Variants in TMEM231 observed in about 807,000 individuals in gnomAD.
TMEM231 encodes transmembrane protein 231.
A neutral mutation model predicts 38.5 loss-of-function variants in TMEM231; 40 were observed. That is an observed-to-expected ratio of 1.04 (90% CI 0.81 to 1.35). TMEM231 has a LOEUF of 1.35. Ranked by LOEUF, TMEM231 falls within the 40% of genes most tolerant of loss-of-function variation. The pLI is 0.00. For missense variants in TMEM231, 420 were observed against 416.9 expected, an observed-to-expected ratio of 1.01 and a Z score of -0.07; for synonymous variants, 199 against 181.7, an observed-to-expected ratio of 1.10 and a Z score of -0.77.
At chr16:75,550,341 G>A (rs2080744166) in intron 2 of TMEM231, among the ~76,000 whole-genome samples, 1 of 152,204 alleles carries the variant, frequency 6.6e-6, no homozygotes, top group Admixed American at 6.5e-5. Flanking sequence ...CCTGTTTGTG[G>A]CATCCACAGT....
In TMEM231 at chr16:75,555,515, C is replaced by A. The variant is rs80299509; in HGVS notation, c.309+289G>T. ...CATCAGGCCAGGCCCGCGGGTGTGACCCGGGCAGACACAGGCTGCCCCCAC... is the reference window on the plus strand; with the variant it reads ...CATCAGGCCAGGCCCGCGGGTGTGAACCGGGCAGACACAGGCTGCCCCCAC... On this transcript the variant is annotated intron_variant, in intron 2 of 6. Transcript: ENST00000258173. 23,221 of 390,536 alleles carry A rather than the reference C, an allele frequency of 0.059. 894 individuals carry two copies. Among genetic ancestry groups the A allele is most frequent in the Non-Finnish European group, 0.068 (14,962 of 220,558 alleles). The allele number at this position is 390,536 out of a possible 1,614,324, so 24.2% of individuals were successfully genotyped here.
chr16:75,543,400 C>G (rs1187988234), intron 4 of TMEM231, among the ~76,000 whole-genome samples: 3 of 152,064 alleles, frequency 2.0e-5, no homozygotes, highest in Non-Finnish European at 1.5e-5. Flanking sequence ...AACCCCATCT[C>G]TACTACAAAG....
chr16:75,547,650 G>A (rs4485400), intron 2 of TMEM231, among the ~76,000 whole-genome samples: 25,427 of 152,058 alleles, frequency 0.17, 2,250 homozygotes, highest in Middle Eastern at 0.22. Context: ...GTGGTGGCAC[G>A]TGCCTGTAAT....
In TMEM231 at chr16:75,555,888, G is replaced by C. The variant is rs1444231443; in HGVS notation, c.225C>G (p.Pro75=). The C allele has an allele frequency of 3.1e-6, 5 of 1,595,466 alleles. No individual in the cohort carries two copies. The highest frequency in any genetic ancestry group is 2.6e-6 in the Non-Finnish European group (3 of 1,171,454). Residue 75 remains proline, a synonymous_variant, in exon 2 of 7, where the codon CCC becomes CCG. Coordinates refer to ENST00000258173, the MANE Select transcript of TMEM231 (RefSeq NM_001077418.3). ...TCCAGGCGAGGAACCCGTCGCTTTC[G>C]GGTCCGAGCAGGGCCACGAGCAGCA... ...HQVLLVALLG[P]ESDGFLAWST...
At chr16:75,543,215 T>G (rs1295938353) in intron 4 of TMEM231, among the ~76,000 whole-genome samples, 1 of 151,468 alleles carries the variant, frequency 6.6e-6, no homozygotes, top group Non-Finnish European at 1.5e-5. Context: ...TGCCACTCAC[T>G]ACACTCCAGT....
chr16:75,541,524 T>C, intron 5 of TMEM231, 69 bp from the exon 6 acceptor site: 2 of 955,068 alleles, frequency 2.1e-6, no homozygotes, highest in Non-Finnish European at 3.1e-6. Context: ...CTATAAAGAT[T>C]ATTTGATACC....
intron 2 of TMEM231, among the ~76,000 whole-genome samples, chr16:75,552,732 T>C (rs2080776646): frequency 6.6e-6 from 1 of 152,238 alleles, no homozygotes; most frequent in African/African-American, 2.4e-5. Context: ...CTGCATGTTT[T>C]GATGCCGGCA....
chr16:75,542,240 A>T (rs1369328865), intron 5 of TMEM231, among the ~76,000 whole-genome samples: 19 of 151,058 alleles, frequency 1.3e-4, no homozygotes, highest in Non-Finnish European at 2.2e-4. Context: ...TTCTCTGAAA[A>T]GCATGAACAG....
At position 75,541,447 on chromosome 16, in the gene TMEM231, C is replaced by T. The variant is rs746055228; in HGVS notation, c.673G>A (p.Val225Ile). 55 of 1,605,388 alleles carry T rather than the reference C, an allele frequency of 3.4e-5. 1 individual carries two copies. The East Asian group carries it at 6.5e-4, about 19-fold the overall frequency. The change falls in exon 6 of 7, where the codon GTC becomes ATC. Residue 225 changes from valine to isoleucine, a missense_variant. By Grantham distance (29) the Val-to-Ile change is conservative. Coordinates refer to ENST00000258173, the MANE Select transcript of TMEM231 (RefSeq NM_001077418.3). ...AAYQERNVTT[V>I]LNDPNPIWLV... is the part of the protein sequence containing the mutation. ...CAGATGGGGTTGGGATCATTCAGGA[C>T]GGTGGTAACTGCAATGCAATCATTA...
chr16:75,544,695 C>T (rs908727992), intron 4 of TMEM231, among the ~76,000 whole-genome samples: 4 of 152,112 alleles, frequency 2.6e-5, no homozygotes, highest in African/African-American at 9.7e-5. Flanking sequence ...TTTACAGTGT[C>T]CTTCGGAGTA....
chr16:75,556,056 C>G lies in TMEM231; in HGVS notation c.139+15G>C. ...CCCGGGGAGCCTCGTGGCACAGCGG[C>G]CGGGGCAGGCTCACCGTGGCTCCGG... is the stretch of plus-strand genomic sequence containing the variant. On this transcript the variant is annotated intron_variant, in intron 1 of 6. Transcript: ENST00000258173. 6.4e-7 allele frequency: 1 copy of G among 1,565,506 alleles called. No homozygotes were observed. Among genetic ancestry groups the G allele is most frequent in the Non-Finnish European group, 8.7e-7 (1 of 1,155,686 alleles).
At chr16:75,550,836 C>T (rs2080751715) in intron 2 of TMEM231, among the ~76,000 whole-genome samples, 1 of 151,756 alleles carries the variant, frequency 6.6e-6, no homozygotes, top group Non-Finnish European at 1.5e-5. Flanking sequence ...CGTGCCTCAG[C>T]CTCCCAAACA....
rs2080568197 is a variant in TMEM231, at chr16:75,537,134, A to AC, written c.*2859_*2860insG. ...GAGACTCTGTCTCAAAAAAAAAAAA[A>AC]AAAAAGAAAAAGAAAAAGAAAAGAA... On this transcript the variant is annotated 3_prime_UTR_variant, in exon 7 of 7. Coordinates refer to ENST00000258173, the MANE Select transcript of TMEM231 (RefSeq NM_001077418.3). 6.6e-6 allele frequency: 1 copy of AC among 152,148 alleles called. No individual in the cohort carries two copies. The highest frequency in any genetic ancestry group is 1.5e-5 in the Non-Finnish European group (1 of 68,432). The allele number at this position is 152,148 out of a possible 1,614,324, so 9.4% of individuals were successfully genotyped here.
In TMEM231 at chr16:75,555,939, C is replaced by T. The variant is rs747850842; in HGVS notation, c.174G>A (p.Gln58=). ...CCTGGTGTTGGAAGCGCACGGTCGG[C>T]TGCTCCTCGTAGCTGCTCCGCTTCA... ...FWLKRSSYEE[Q]PTVRFQHQVL... is the part of the protein sequence containing the mutation. Residue 58 remains glutamine, a synonymous_variant, in exon 2 of 7, where the codon CAG becomes CAA. Transcript: ENST00000258173. 8.7e-6 allele frequency: 14 copies of T among 1,604,654 alleles called. No individual in the cohort carries two copies. The highest frequency in any genetic ancestry group is 1.2e-5 in the Non-Finnish European group (14 of 1,176,114).
chr16:75,554,579 AAG>A (rs1484361432), intron 2 of TMEM231, among the ~76,000 whole-genome samples: 1 of 151,552 alleles, frequency 6.6e-6, no homozygotes, highest in Non-Finnish European at 1.5e-5. Context: ...GAAAAGAAAA[AAG>A]AAAAGAAAAA....
intron 2 of TMEM231, among the ~76,000 whole-genome samples, chr16:75,552,545 T>C (rs2080775038): frequency 6.6e-6 from 1 of 152,180 alleles, no homozygotes; most frequent in Admixed American, 6.5e-5. Flanking sequence ...ATGGAGAGCT[T>C]TCCTGTTTTT....
chr16:75,546,821 T>C (rs1335045509), intron 2 of TMEM231, among the ~76,000 whole-genome samples: 1 of 152,258 alleles, frequency 6.6e-6, no homozygotes, highest in Non-Finnish European at 1.5e-5. Flanking sequence ...TATCTCATCA[T>C]TCGTGTGAGG....
rs1274517273 is a variant in TMEM231, at chr16:75,555,970, A to T, written c.143T>A (p.Phe48Tyr). 6.2e-7 allele frequency: 1 copy of T among 1,602,630 alleles called. No homozygotes were observed. Among genetic ancestry groups the T allele is most frequent in the Admixed American group, 1.7e-5 (1 of 58,606 alleles). ...PLLVAFRSHG[F>Y]WLKRSSYEEQ... ...CTCGTAGCTGCTCCGCTTCAGCCAA[A>T]ACCCTGAGTTAAAGAGGGCGGTAGG... Residue 48 changes from phenylalanine (F) to tyrosine (Y), a missense_variant, in exon 2 of 7, where the codon TTT becomes TAT. Transcript: ENST00000258173.
At chr16:75,549,449 A>C (rs1358715163) in intron 2 of TMEM231, among the ~76,000 whole-genome samples, 2 of 152,188 alleles carry the variant, frequency 1.3e-5, no homozygotes, top group Non-Finnish European at 2.9e-5. Context: ...ATTCCTCTGC[A>C]TATCCCAGGA....
Sources: gnomAD v4.1 joint callset for allele counts (sites outside exome capture counted in the v4.1 genomes callset) on GRCh38, gnomAD v4.1.1 for gene constraint, MANE v1.5 for transcripts, NCBI Gene and HGNC (gene_info 2026-07-23, HGNC 2026-07-21) for gene names.